SETBP1: variants seen among roughly 807,000 people sequenced by gnomAD.
SETBP1 encodes SET binding protein 1.
In SETBP1, 9 loss-of-function variants were observed where a neutral mutation model predicts 101.0. The ratio of observed to expected loss-of-function variants is 0.09; its 90% confidence interval spans 0.05 to 0.16. The LOEUF is 0.16. Ranked by LOEUF, SETBP1 falls within the 10% of genes least tolerant of loss-of-function variation. SETBP1 has a pLI of 1.00. For missense variants in SETBP1, 1,858 were observed against 2,033.8 expected, an observed-to-expected ratio of 0.91 and a Z score of 1.66; for synonymous variants, 818 against 788.5, an observed-to-expected ratio of 1.04 and a Z score of -0.63.
intron 2 of SETBP1, among the ~76,000 whole-genome samples, chr18:44,823,568 C>T (rs2072164964): frequency 1.3e-5 from 2 of 152,240 alleles, no homozygotes; most frequent in Non-Finnish European, 1.5e-5. Context: ...GACTTAGGGA[C>T]TCCCACATAC....
chr18:44,779,710 T>A (rs2144674607), intron 2 of SETBP1, among the ~76,000 whole-genome samples: 1 of 152,198 alleles, frequency 6.6e-6, no homozygotes, highest in Admixed American at 6.5e-5. Flanking sequence ...TCTGACACGC[T>A]TGGAGTCTAT....
chr18:45,011,905 C>T (rs1269629879), intron 4 of SETBP1, among the ~76,000 whole-genome samples: 1 of 152,110 alleles, frequency 6.6e-6, no homozygotes, highest in Non-Finnish European at 1.5e-5. Flanking sequence ...CCTGGTAGCT[C>T]TTATTGCTGT....
intron 3 of SETBP1, among the ~76,000 whole-genome samples, chr18:44,927,211 A>G (rs1301592870): frequency 6.6e-6 from 1 of 152,212 alleles, no homozygotes; most frequent in Non-Finnish European, 1.5e-5. Flanking sequence ...CCGAATGTAT[A>G]TGTTTGTTTA....
chr18:44,907,572 A>C (rs968628170), intron 3 of SETBP1, among the ~76,000 whole-genome samples: 1 of 152,142 alleles, frequency 6.6e-6, no homozygotes, highest in African/African-American at 2.4e-5. Context: ...GTGGCATCGC[A>C]TTGTGATTTT....
intron 3 of SETBP1, among the ~76,000 whole-genome samples, chr18:44,875,590 T>C (rs1201339077): frequency 6.7e-6 from 1 of 149,656 alleles, no homozygotes; most frequent in Non-Finnish European, 1.5e-5. Context: ...TCCAGGGCAC[T>C]GAGCCTCGTT....
intron 4 of SETBP1, among the ~76,000 whole-genome samples, chr18:45,018,863 C>G (rs1412686118): frequency 6.6e-6 from 1 of 152,138 alleles, no homozygotes; most frequent in Non-Finnish European, 1.5e-5. Flanking sequence ...CCTGCAAGGT[C>G]ACGGATGTGG....
At chr18:44,898,778 C>T (rs1332763327) in intron 3 of SETBP1, among the ~76,000 whole-genome samples, 4 of 152,128 alleles carry the variant, frequency 2.6e-5, no homozygotes, top group Admixed American at 2.0e-4. Context: ...GGGACACACC[C>T]GAGCACCCAC....
intron 4 of SETBP1, among the ~76,000 whole-genome samples, chr18:44,974,292 G>C (rs2071936150): frequency 6.6e-6 from 1 of 152,170 alleles, no homozygotes; most frequent in South Asian, 2.1e-4. Flanking sequence ...ATCTCAGAGG[G>C]AAGAGGGAAG....
In SETBP1 at chr18:44,814,767, T is replaced by C. The variant is rs183593324; in HGVS notation, c.487-54463T>C. 3.3e-5 allele frequency among the ~76,000 whole-genome samples: 5 copies of C among 152,380 alleles called. No individual in the cohort carries two copies. The East Asian group carries it at 9.6e-4, about 29-fold the overall frequency. ...ACAACTTGTGCAGCTATTCATAGTA[T>C]TCCAGAATGTCAGAATCTGAACAGG... On this transcript the variant is annotated intron_variant, in intron 2 of 5. Coordinates refer to ENST00000649279, the MANE Select transcript of SETBP1 (RefSeq NM_015559.3).
chr18:44,935,887 T>G (rs2070945313), intron 3 of SETBP1, among the ~76,000 whole-genome samples: 1 of 152,224 alleles, frequency 6.6e-6, no homozygotes, highest in African/African-American at 2.4e-5. Flanking sequence ...TGATAGGACA[T>G]TCACACGTGA....
At chr18:44,754,821 A>G (rs2070458391) in intron 2 of SETBP1, among the ~76,000 whole-genome samples, 1 of 152,208 alleles carries the variant, frequency 6.6e-6, no homozygotes, top group South Asian at 2.1e-4. Flanking sequence ...TTGATGATGA[A>G]TTCTGTTTAC....
At chr18:44,937,043 C>A (rs2145024277) in intron 3 of SETBP1, among the ~76,000 whole-genome samples, 1 of 152,290 alleles carries the variant, frequency 6.6e-6, no homozygotes, top group East Asian at 1.9e-4. Flanking sequence ...AAAAGCAGTT[C>A]ACTGAAAAGT....
chr18:44,863,560 G>A (rs1484895249), intron 2 of SETBP1, among the ~76,000 whole-genome samples: 1 of 152,182 alleles, frequency 6.6e-6, no homozygotes, highest in Non-Finnish European at 1.5e-5. Flanking sequence ...TAGAGCCAAA[G>A]TAAGAAGTGA....
intron 1 of SETBP1, among the ~76,000 whole-genome samples, chr18:44,682,747 C>T (rs1159130535): frequency 2.0e-5 from 3 of 152,226 alleles, no homozygotes; most frequent in African/African-American, 7.2e-5. Flanking sequence ...GATATGGAGA[C>T]CAGGTACCCA....
intron 4 of SETBP1, among the ~76,000 whole-genome samples, chr18:44,966,847 T>A (rs2071731516): frequency 6.6e-6 from 1 of 152,208 alleles, no homozygotes; most frequent in Non-Finnish European, 1.5e-5. Flanking sequence ...GGCTCTTAGA[T>A]GTCCCTTTCC....
rs554637667 is a variant in SETBP1, at chr18:45,027,886, C to A, written c.4001-10599C>A. Among the ~76,000 whole-genome samples the A allele has an allele frequency of 6.6e-5, 10 of 152,220 alleles. No individual in the cohort carries two copies. The East Asian group carries it at 7.7e-4, about 12-fold the overall frequency. On this transcript the variant is annotated intron_variant, in intron 4 of 5. Transcript: ENST00000649279. ...CTTTCTAGAAACTGTAGGAGATAAT[C>A]CATTTCCTTGTTTTCTAGCTTCTAG...
At chr18:44,964,968 G>A (rs540864480) in intron 4 of SETBP1, among the ~76,000 whole-genome samples, 10 of 152,126 alleles carry the variant, frequency 6.6e-5, no homozygotes, top group Non-Finnish European at 1.5e-4. Flanking sequence ...AGGAGGAATT[G>A]GGCGTGAAAA....
At chr18:44,885,485 C>T (rs1022784447) in intron 3 of SETBP1, among the ~76,000 whole-genome samples, 3 of 151,966 alleles carry the variant, frequency 2.0e-5, no homozygotes, top group Admixed American at 6.6e-5. Context: ...CACACTGTAC[C>T]GCAATCACTA....
intron 4 of SETBP1, among the ~76,000 whole-genome samples, chr18:45,036,347 A>G (rs2073397797): frequency 6.6e-6 from 1 of 151,774 alleles, no homozygotes; most frequent in South Asian, 2.1e-4. Flanking sequence ...AAAAAAAAAA[A>G]AAGGCTAAGA....
Sources: allele counts gnomAD v4.1 joint callset (sites outside exome capture counted in the v4.1 genomes callset), GRCh38; gene constraint gnomAD v4.1.1; transcripts MANE v1.5; gene names NCBI Gene and HGNC (gene_info 2026-07-23, HGNC 2026-07-21).